The following DUS2 variants were observed in gnomAD, a reference collection of about 807,000 sequenced individuals.
DUS2 encodes the protein dihydrouridine synthase 2.
Under a neutral mutation model 71.3 loss-of-function variants are expected in DUS2, and 52 were observed. That is an observed-to-expected ratio of 0.73 (90% CI 0.58 to 0.92). The LOEUF is 0.92. Among genes scored for constraint, DUS2 ranks in the 40% least tolerant of loss-of-function variants. DUS2 has a pLI of 0.00. For synonymous variants in DUS2, 204 were observed against 227.8 expected, an observed-to-expected ratio of 0.90 and a Z score of 0.94; for missense variants, 558 against 622.6, an observed-to-expected ratio of 0.90 and a Z score of 1.10.
In DUS2 at chr16:68,070,154, A is replaced by G. The variant is rs529183224; in HGVS notation, c.575A>G (p.Gln192Arg). ...CCAAGGAAGCGGGAGGAGCGACCTC[A>G]GCATCCTGTCAGCTGTGAAGTCATC... ...VHGRKREERPQHPVSCEVIKA... is the reference protein window; with the variant it reads ...VHGRKREERPRHPVSCEVIKA... The change falls in exon 11 of 17, where the codon CAG becomes CGG. Residue 192 changes from glutamine (Q) to arginine (R), a missense_variant. Physicochemically the swap from Gln to Arg is conservative, Grantham distance 43 (BLOSUM62 1). Coordinates refer to ENST00000565263, the MANE Select transcript of DUS2 (RefSeq NM_017803.5). 5.6e-6 allele frequency: 9 copies of G among 1,614,120 alleles called. No individual in the cohort carries two copies. The highest frequency in any genetic ancestry group is 7.6e-6 in the Non-Finnish European group (9 of 1,180,012).
intron 1 of DUS2, among the ~76,000 whole-genome samples, chr16:68,024,829 T>C (rs567354216): frequency 1.5e-4 from 22 of 147,140 alleles, no homozygotes; most frequent in African/African-American, 5.6e-4. Flanking sequence ...AATGGCTGGA[T>C]ACTTTTTTTT....
intron 2 of DUS2, among the ~76,000 whole-genome samples, chr16:68,037,513 G>T (rs2033549421): frequency 6.6e-6 from 1 of 151,538 alleles, no homozygotes; most frequent in South Asian, 2.1e-4. Context: ...CGCCTCCCAG[G>T]TTCAAACAAT....
chr16:68,027,653 C>A (rs1176675539), intron 2 of DUS2, among the ~76,000 whole-genome samples: 4 of 152,272 alleles, frequency 2.6e-5, no homozygotes, highest in Non-Finnish European at 5.9e-5. Context: ...TTTCACCTTA[C>A]AGTGAAGAAG....
chr16:68,061,392 C>T (rs1437261249), intron 8 of DUS2, among the ~76,000 whole-genome samples: 1 of 152,208 alleles, frequency 6.6e-6, no homozygotes, highest in Non-Finnish European at 1.5e-5. Flanking sequence ...AGAGAACCTC[C>T]TCTGTATTTC....
At chr16:68,054,465 TGTTGGTG>T in intron 5 of DUS2, 102 bp from the exon 6 acceptor site, 1 of 1,203,954 alleles carries the variant, frequency 8.3e-7, no homozygotes, top group Non-Finnish European at 1.2e-6. Context: ...CTGACTCTGT[TGTTGGTG>T]TGTGGGGTGT....
At chr16:68,070,655 G>A (rs1219224522) in intron 11 of DUS2, among the ~76,000 whole-genome samples, 3 of 152,238 alleles carry the variant, frequency 2.0e-5, no homozygotes, top group Non-Finnish European at 4.4e-5. Flanking sequence ...CATGTCTCCA[G>A]ATGTGGGCTG....
rs3785106 is a variant in DUS2, at chr16:68,072,602, C to A, written c.811-1432C>A. Among the ~76,000 whole-genome samples, 178 of 152,234 alleles carry A rather than the reference C, an allele frequency of 1.2e-3. 6 individuals carry two copies. In the East Asian group the frequency reaches 0.031, roughly 26 times the overall value. On this transcript the variant is annotated intron_variant, in intron 12 of 16. Coordinates refer to ENST00000565263, the MANE Select transcript of DUS2 (RefSeq NM_017803.5). ...GCTGAGTCAAGGACTTGCCACCAGC[C>A]GGGGCGCCCCGACTTACTTCCCACT...
chr16:68,064,680 G>T (rs2033982284), intron 8 of DUS2, among the ~76,000 whole-genome samples: 3 of 152,182 alleles, frequency 2.0e-5, no homozygotes, highest in Admixed American at 2.0e-4. Flanking sequence ...GCCTGCCAGG[G>T]TGACCCTAAG....
At chr16:68,073,563 C>G (rs1402518680) in intron 12 of DUS2, among the ~76,000 whole-genome samples, 3 of 151,530 alleles carry the variant, frequency 2.0e-5, no homozygotes, top group Non-Finnish European at 4.4e-5. Context: ...GATTCTCTTG[C>G]CTCAGCCTCC....
At chr16:68,047,809 G>A (rs1270448993) in intron 3 of DUS2, among the ~76,000 whole-genome samples, 1 of 145,996 alleles carries the variant, frequency 6.8e-6, no homozygotes, top group Non-Finnish European at 1.5e-5. Context: ...TGAGACAGGT[G>A]TCACTCTGTT....
chr16:68,028,178 T>G (rs1037500777), intron 2 of DUS2, among the ~76,000 whole-genome samples: 1 of 152,070 alleles, frequency 6.6e-6, no homozygotes, highest in Non-Finnish European at 1.5e-5. Flanking sequence ...GCAGAGAGAC[T>G]GGTTTGGAGA....
At chr16:68,045,341 C>G (rs2033684645) in intron 3 of DUS2, among the ~76,000 whole-genome samples, 1 of 151,914 alleles carries the variant, frequency 6.6e-6, no homozygotes, top group Non-Finnish European at 1.5e-5. Context: ...CGTGGTGGCT[C>G]ACACCTGTAA....
intron 3 of DUS2, among the ~76,000 whole-genome samples, chr16:68,046,629 A>G (rs923329555): frequency 4.6e-5 from 7 of 152,096 alleles, no homozygotes; most frequent in Non-Finnish European, 8.8e-5. Flanking sequence ...AGTCAGATTC[A>G]GTAGTGTGTG....
chr16:68,029,916 G>A (rs920116997), intron 2 of DUS2, among the ~76,000 whole-genome samples: 2 of 149,216 alleles, frequency 1.3e-5, no homozygotes, highest in African/African-American at 4.9e-5. Flanking sequence ...ACCATGCCCC[G>A]CTAATTTTTT....
intron 10 of DUS2, among the ~76,000 whole-genome samples, chr16:68,066,901 A>G (rs1399595175): frequency 6.6e-6 from 1 of 152,068 alleles, no homozygotes; most frequent in Non-Finnish European, 1.5e-5. Context: ...GAAAGGAGAA[A>G]CACCTCTACT....
At chr16:68,070,337 G>T (rs2034066716) in intron 11 of DUS2, 117 bp downstream of exon 11, 23 of 905,166 alleles carry the variant, frequency 2.5e-5, no homozygotes, top group Non-Finnish European at 4.0e-5. Context: ...AAAGGGCAGG[G>T]CTTTCCACAA....
At chr16:68,068,407 C>G (rs778025522) in intron 10 of DUS2, among the ~76,000 whole-genome samples, 1 of 152,068 alleles carries the variant, frequency 6.6e-6, no homozygotes, top group Non-Finnish European at 1.5e-5. Context: ...TTTGAGATCC[C>G]GGCTCTGCTG....
intron 2 of DUS2, among the ~76,000 whole-genome samples, chr16:68,034,723 C>T (rs1026925863): frequency 1.7e-4 from 26 of 152,052 alleles, no homozygotes; most frequent in Non-Finnish European, 3.1e-4. Context: ...TTAGGCTGGG[C>T]ATGGTGGCTC....
chr16:68,072,817 G>A (rs1194786479), intron 12 of DUS2, among the ~76,000 whole-genome samples: 1 of 152,232 alleles, frequency 6.6e-6, no homozygotes, highest in Non-Finnish European at 1.5e-5. Context: ...CAGGCAGTCA[G>A]TCATCTTGCC....
Sources: allele counts gnomAD v4.1 joint callset (sites outside exome capture counted in the v4.1 genomes callset), GRCh38; gene constraint gnomAD v4.1.1; transcripts MANE v1.5; gene names NCBI Gene and HGNC (gene_info 2026-07-23, HGNC 2026-07-21).